ERG: variants seen among roughly 807,000 people sequenced by gnomAD.
The protein encoded by ERG is transcriptional regulator ERG.
Under a neutral mutation model 55.3 loss-of-function variants are expected in ERG, and 9 were observed. That is an observed-to-expected ratio of 0.16 (90% CI 0.10 to 0.28). ERG has a LOEUF of 0.28. Ranked by LOEUF, ERG falls within the 10% of genes least tolerant of loss-of-function variation. ERG has a pLI of 1.00. For synonymous variants in ERG, 223 were observed against 237.3 expected (o/e 0.94, Z 0.55); for missense variants, 434 against 631.6 (o/e 0.69, Z 3.35).
At chr21:38,422,811 G>A (rs1160879203) in intron 3 of ERG, among the ~76,000 whole-genome samples, 1 of 152,196 alleles carries the variant, frequency 6.6e-6, no homozygotes, top group East Asian at 1.9e-4. Context: ...AGATGCTTAA[G>A]GGAACACGTA....
At chr21:38,556,707 G>A (rs1283758283) in intron 2 of ERG, among the ~76,000 whole-genome samples, 3 of 152,116 alleles carry the variant, frequency 2.0e-5, no homozygotes, top group African/African-American at 7.2e-5. Flanking sequence ...GAAAAGAAAG[G>A]CTTCTGAGGA....
chr21:38,527,682 G>A (rs144824406), intron 2 of ERG, among the ~76,000 whole-genome samples: 1 of 152,318 alleles, frequency 6.6e-6, no homozygotes, highest in African/African-American at 2.4e-5. Context: ...CAGGAGAGCA[G>A]GACCTGTTAA....
At chr21:38,458,594 C>T (rs1445667719) in intron 1 of ERG, among the ~76,000 whole-genome samples, 1 of 152,170 alleles carries the variant, frequency 6.6e-6, no homozygotes, top group African/African-American at 2.4e-5. Flanking sequence ...ATTTATCCAA[C>T]AAAAATATCC....
rs967857482 is a variant in ERG at position 38,631,674 on chromosome 21, C to G, written c.-150+29984G>C. Among the ~76,000 whole-genome samples, 16 of 152,168 alleles carry G rather than the reference C, an allele frequency of 1.1e-4. No individual in the cohort carries two copies. In the South Asian group the frequency reaches 3.1e-3, roughly 30 times the overall value. On this transcript the variant is annotated intron_variant, in intron 1 of 10. Transcript: ENST00000398910. ...ACTGTGTGCACACCTGATTTCCGTA[C>G]CGTTTTCACCCCTCATTTTGGCAGC...
chr21:38,390,982 A>C lies in ERG; in HGVS notation c.919+13T>G. On this transcript the variant is annotated intron_variant, in intron 9 of 9. Transcript: ENST00000288319. ...GTAATTTTGTAAGAAGAAAATCATC[A>C]GCAGTTTCTCACCTGGATTTGCAAG... is the stretch of plus-strand genomic sequence containing the variant. 6.2e-7 allele frequency: 1 copy of C among 1,608,446 alleles called. No homozygotes were observed. The highest frequency in any genetic ancestry group is 8.5e-7 in the Non-Finnish European group (1 of 1,175,390).
At chr21:38,574,623 G>A (rs2059983839) in intron 2 of ERG, among the ~76,000 whole-genome samples, 1 of 152,232 alleles carries the variant, frequency 6.6e-6, no homozygotes, top group African/African-American at 2.4e-5. Context: ...GTACGTCCAT[G>A]TGTAATTGTA....
intron 1 of ERG, among the ~76,000 whole-genome samples, chr21:38,462,308 T>G (rs2059050787): frequency 6.6e-6 from 1 of 152,104 alleles, no homozygotes; most frequent in South Asian, 2.1e-4. Context: ...TTAAATGAAT[T>G]TATAAGTAAA....
At chr21:38,636,041 C>A (rs1171236077) in intron 1 of ERG, among the ~76,000 whole-genome samples, 2 of 146,624 alleles carry the variant, frequency 1.4e-5, no homozygotes, top group Non-Finnish European at 3.0e-5. Context: ...GTAACTGAAT[C>A]ATGGGGGTGG....
At chr21:38,573,266 T>G (rs1461631312) in intron 2 of ERG, among the ~76,000 whole-genome samples, 1 of 152,184 alleles carries the variant, frequency 6.6e-6, no homozygotes, top group South Asian at 2.1e-4. Flanking sequence ...CCTCGTGGGA[T>G]GAGAAAGACC....
Position 38,581,079 on chromosome 21 carries a change from A to G in ERG, c.-127+3765T>C, listed in dbSNP as rs117304204. Among the ~76,000 whole-genome samples the G allele has an allele frequency of 5.5e-3, 842 of 152,324 alleles. 1 individual carries two copies. The highest frequency in any genetic ancestry group is 0.01 in the Middle Eastern group (3 of 294). On this transcript the variant is annotated intron_variant, in intron 1 of 8. Coordinates refer to the ERG transcript ENST00000398897. ...TTCCCAAGAAGATGAACTCCAGGAAACAGGCTGGTGCAGCCCAAAAGATGC... is the reference window on the plus strand; with the variant it reads ...TTCCCAAGAAGATGAACTCCAGGAAGCAGGCTGGTGCAGCCCAAAAGATGC...
In ERG at chr21:38,381,511, C is replaced by A; in HGVS notation, c.*1892G>T. The A allele has an allele frequency of 9.4e-7, 1 of 1,063,948 alleles. No homozygotes were observed. Among genetic ancestry groups the A allele is most frequent in the Non-Finnish European group, 1.1e-6 (1 of 878,452 alleles). 65.9% of individuals were successfully genotyped at this position (1,063,948 alleles called of 1,614,324 possible). ...ATGTAGCAGGACTAAAGCTGTCTAC[C>A]TAGTGAGAGCTCCTGAAAGAGAAAC... On this transcript the variant is annotated 3_prime_UTR_variant, in exon 10 of 10. Coordinates refer to ENST00000288319, the MANE Select transcript of ERG (RefSeq NM_182918.4).
intron 2 of ERG, among the ~76,000 whole-genome samples, chr21:38,442,306 G>A (rs2058848595): frequency 6.6e-6 from 1 of 151,728 alleles, no homozygotes; most frequent in African/African-American, 2.4e-5. Context: ...AGGCAGGGGA[G>A]TCGCTTGAAC....
upstream of ERG, among the ~76,000 whole-genome samples, chr21:38,587,280 C>G (rs2060071503): frequency 6.6e-6 from 1 of 152,156 alleles, no homozygotes; most frequent in South Asian, 2.1e-4. Flanking sequence ...AGCTGGCCTT[C>G]CCTGCTCGGC....
chr21:38,507,521 A>C (rs1277838834), intron 2 of ERG, among the ~76,000 whole-genome samples: 2 of 131,014 alleles, frequency 1.5e-5, no homozygotes, highest in East Asian at 2.2e-4. Flanking sequence ...CTCAACAAGC[A>C]CTTACTGAAT....
intron 1 of ERG, chr21:38,448,912 C>T (rs1271960619): frequency 2.6e-5 from 4 of 152,254 alleles, no homozygotes; most frequent in Non-Finnish European, 5.9e-5. Context: ...CACATGAGTT[C>T]TTTAACTCCA....
At chr21:38,455,476 A>AC (rs1445942178) in intron 1 of ERG, among the ~76,000 whole-genome samples, 7 of 152,094 alleles carry the variant, frequency 4.6e-5, no homozygotes, top group East Asian at 3.9e-4. Flanking sequence ...GGGGTGGTGC[A>AC]CCACCTCTCT....
chr21:38,645,978 C>T (rs892020238), intron 1 of ERG, among the ~76,000 whole-genome samples: 10 of 152,156 alleles, frequency 6.6e-5, no homozygotes, highest in African/African-American at 2.4e-4. Flanking sequence ...TGCAACCATT[C>T]TCTTAGAAAC....
At chr21:38,639,896 A>C (rs2060413205) in intron 1 of ERG, among the ~76,000 whole-genome samples, 1 of 152,118 alleles carries the variant, frequency 6.6e-6, no homozygotes, top group Non-Finnish European at 1.5e-5. Context: ...AAACCAACAG[A>C]ATCCTAGGGT....
chr21:38,412,129 G>A (rs902964543), intron 3 of ERG, among the ~76,000 whole-genome samples: 4 of 152,018 alleles, frequency 2.6e-5, no homozygotes, highest in Non-Finnish European at 4.4e-5. Flanking sequence ...GTATTTTTTA[G>A]TCTAGTCTAT....
Sources: allele counts gnomAD v4.1 joint callset (sites outside exome capture counted in the v4.1 genomes callset), GRCh38; gene constraint gnomAD v4.1.1; transcripts MANE v1.5; gene names NCBI Gene and HGNC (gene_info 2026-07-23, HGNC 2026-07-21).